SLC15A5: variants seen among roughly 807,000 people sequenced by gnomAD.
The protein encoded by SLC15A5 is Peptide/histidine transporter ENSP00000340402.
In SLC15A5, 58 loss-of-function variants were observed where a neutral mutation model predicts 56.1. The observed-to-expected ratio is 1.03, with a 90% CI of 0.84 to 1.29. The LOEUF (loss-of-function observed/expected upper bound fraction) is 1.29, where lower values mean the gene tolerates loss of function less well. Ranked by LOEUF, SLC15A5 falls within the 50% of genes most tolerant of loss-of-function variation. The probability of loss-of-function intolerance (pLI) is 0.00; values close to 1 mark genes in which losing one functional copy is unlikely to be tolerated. For synonymous variants in SLC15A5, 264 were observed against 250.5 expected (o/e 1.05, Z -0.51); for missense variants, 681 against 672.1 (o/e 1.01, Z -0.15).
At chr12:16,199,274 A>T (rs1394314832) in intron 7 of SLC15A5, among the ~76,000 whole-genome samples, 1 of 144,010 alleles carries the variant, frequency 6.9e-6, no homozygotes, top group Non-Finnish European at 1.5e-5. Context: ...TGACTAATAA[A>T]CTGCTGTCAG....
chr12:16,199,864 G>A (rs1671522), intron 7 of SLC15A5, among the ~76,000 whole-genome samples: 212 of 152,166 alleles, frequency 1.4e-3, no homozygotes, highest in African/African-American at 4.5e-3. Flanking sequence ...GTTCTGGGGG[G>A]TGCCAGATAG....
chr12:16,222,871 G>A (rs1438222123), intron 6 of SLC15A5, among the ~76,000 whole-genome samples: 2 of 152,168 alleles, frequency 1.3e-5, no homozygotes, highest in East Asian at 1.9e-4. Flanking sequence ...CACATTTTTG[G>A]GAATAACATC....
In SLC15A5 at chr12:16,271,127, C is replaced by A. The variant is rs954955950; in HGVS notation, c.584+1434G>T. On this transcript the variant is annotated intron_variant, in intron 2 of 8. Transcript: ENST00000344941. The surrounding 1 kb of genome is among the most constrained non-coding windows in gnomAD (Gnocchi z 8.0). Reference sequence around the variant, plus strand: ...AATTCATTTTCACCCCATTCCCCATCCCCCTTCCTGAAGCCCTAAAGCACA... The same window carrying A: ...AATTCATTTTCACCCCATTCCCCATACCCCTTCCTGAAGCCCTAAAGCACA... 6.6e-6 allele frequency among the ~76,000 whole-genome samples: 1 copy of A among 152,144 alleles called. No homozygotes were observed. The highest frequency in any genetic ancestry group is 2.4e-5 in the African/African-American group (1 of 41,444).
chr12:16,272,502 G>T (rs1864770186), intron 2 of SLC15A5, 59 bp downstream of exon 2: 1 of 1,472,218 alleles, frequency 6.8e-7, no homozygotes, highest in African/African-American at 1.4e-5. Flanking sequence ...AATGGAATCA[G>T]AAAGTAAACA....
intron 5 of SLC15A5, among the ~76,000 whole-genome samples, chr12:16,225,236 T>C (rs907715667): frequency 5.9e-5 from 9 of 152,236 alleles, no homozygotes; most frequent in Non-Finnish European, 1.3e-4. Context: ...CCTTTGGGTA[T>C]ATACCCAGTA....
rs919210861 is a variant in SLC15A5, at chr12:16,238,663, C to T, written c.1162+1018G>A. ...AAAAAAAAAATAAGAACAGGTTAAC[C>T]GAGAGAAGAGAATCTTCTATATGCC... On this transcript the variant is annotated intron_variant, in intron 5 of 8. Coordinates refer to ENST00000344941, the MANE Select transcript of SLC15A5 (RefSeq NM_001170798.1). 1.0e-4 allele frequency among the ~76,000 whole-genome samples: 15 copies of T among 150,346 alleles called. No individual in the cohort carries two copies. In the East Asian group the frequency reaches 1.2e-3, roughly 12 times the overall value.
intron 5 of SLC15A5, 41 bp from the exon 6 acceptor site, chr12:16,224,643 G>A: frequency 6.7e-7 from 1 of 1,496,274 alleles, no homozygotes. Context: ...GTTAAACGAA[G>A]AGCTAGAGAT....
rs1864758319 is a variant in SLC15A5 at position 16,271,611 on chromosome 12, G to A, written c.584+950C>T. Among the ~76,000 whole-genome samples the A allele has an allele frequency of 7.0e-6, 1 of 141,906 alleles. No homozygotes were observed. The highest frequency in any genetic ancestry group is 2.6e-5 in the African/African-American group (1 of 38,404). The allele number at this position is 141,906 out of a possible 152,430, so 93.1% of individuals were successfully genotyped here. On this transcript the variant is annotated intron_variant, in intron 2 of 8. Transcript: ENST00000344941. This position sits in a 1 kb window ranked among gnomAD's most constrained non-coding sequence, Gnocchi z 8.0. ...AGAAAAAGAAAGAAAGAGAAAAGAG[G>A]AACTGCCTCGGATAGCTACATATGC...
At chr12:16,229,653 C>CACAT (rs1350287721) in intron 5 of SLC15A5, among the ~76,000 whole-genome samples, 1 of 136,748 alleles carries the variant, frequency 7.3e-6, no homozygotes, top group Non-Finnish European at 1.6e-5. Context: ...CACATACACA[C>CACAT]ACACACACAC....
At chr12:16,221,988 G>C (rs1259246773) in intron 6 of SLC15A5, among the ~76,000 whole-genome samples, 2 of 152,090 alleles carry the variant, frequency 1.3e-5, no homozygotes, top group Non-Finnish European at 2.9e-5. Flanking sequence ...GCTGGGAACA[G>C]GACACCTGTG....
In SLC15A5 at chr12:16,202,180, A is replaced by G. The variant is rs911413055; in HGVS notation, c.1484-7727T>C. ...AAGAGATAACCCACAGATTGGGAAA[A>G]ATATTTGCAAATTATATATCAAGTA... On this transcript the variant is annotated intron_variant, in intron 7 of 8. Coordinates refer to ENST00000344941, the MANE Select transcript of SLC15A5 (RefSeq NM_001170798.1). Among the ~76,000 whole-genome samples the G allele has an allele frequency of 4.2e-4, 64 of 152,308 alleles. 1 individual carries two copies. The highest frequency in any genetic ancestry group is 1.4e-3 in the African/African-American group (58 of 41,576).
chr12:16,190,237 C>T (rs1462877641), intron 8 of SLC15A5, among the ~76,000 whole-genome samples: 2 of 152,150 alleles, frequency 1.3e-5, no homozygotes, highest in Non-Finnish European at 2.9e-5. Flanking sequence ...AGAATGTGCA[C>T]TCTCCATCCC....
rs1366301769 is a variant in SLC15A5 at position 16,220,182 on chromosome 12, A to G, written c.1352-3158T>C. Reference sequence around the variant, plus strand: ...ATCCTGTTGCCATTTTTAGACCATTATATCTCCCTTAACCCTAAAAAAGCT... The same window carrying G: ...ATCCTGTTGCCATTTTTAGACCATTGTATCTCCCTTAACCCTAAAAAAGCT... On this transcript the variant is annotated intron_variant, in intron 6 of 8. Coordinates refer to ENST00000344941, the MANE Select transcript of SLC15A5 (RefSeq NM_001170798.1). Among the ~76,000 whole-genome samples the G allele has an allele frequency of 2.0e-5, 3 of 152,196 alleles. No individual in the cohort carries two copies. The East Asian group carries it at 5.8e-4, about 29-fold the overall frequency.
At chr12:16,210,100 T>C (rs569186803) in intron 7 of SLC15A5, among the ~76,000 whole-genome samples, 10 of 152,348 alleles carry the variant, frequency 6.6e-5, no homozygotes, top group Admixed American at 3.9e-4. Context: ...GTTCCTCTTA[T>C]GCACCTATCA....
chr12:16,205,932 A>G (rs1864014490), intron 7 of SLC15A5, among the ~76,000 whole-genome samples: 1 of 152,122 alleles, frequency 6.6e-6, no homozygotes, highest in Non-Finnish European at 1.5e-5. Context: ...TTTCCCTCAG[A>G]CTTCACTAAA....
intron 7 of SLC15A5, among the ~76,000 whole-genome samples, chr12:16,207,849 C>T (rs557141763): frequency 3.0e-4 from 45 of 152,196 alleles, no homozygotes; most frequent in African/African-American, 1.1e-3. Flanking sequence ...AGACAGGTTT[C>T]ACCATGTTGG....
chr12:16,227,661 G>C (rs1030551056), intron 5 of SLC15A5, among the ~76,000 whole-genome samples: 1 of 152,190 alleles, frequency 6.6e-6, no homozygotes, highest in East Asian at 1.9e-4. Flanking sequence ...GTAGACGATA[G>C]ATTGGGGTCA....
chr12:16,209,732 T>G (rs1864060797), intron 7 of SLC15A5, among the ~76,000 whole-genome samples: 2 of 152,206 alleles, frequency 1.3e-5, no homozygotes, highest in Admixed American at 1.3e-4. Flanking sequence ...AAACCATTGC[T>G]AAGACATTGA....
In SLC15A5 at chr12:16,235,835, T is replaced by G. The variant is rs1864347657; in HGVS notation, c.1162+3846A>C. Among the ~76,000 whole-genome samples, 1 of 152,124 alleles carries G rather than the reference T, an allele frequency of 6.6e-6. No individual in the cohort carries two copies. The highest frequency in any genetic ancestry group is 2.4e-5 in the African/African-American group (1 of 41,436). On this transcript the variant is annotated intron_variant, in intron 5 of 8. Coordinates refer to ENST00000344941, the MANE Select transcript of SLC15A5 (RefSeq NM_001170798.1). This position sits in a 1 kb window ranked among gnomAD's most constrained non-coding sequence, Gnocchi z 4.1. ...GCTTTTAGCTTAGCAACCACTTTGGTTTCAACCACAAAAAGAACTTTATAC... is the reference window on the plus strand; with the variant it reads ...GCTTTTAGCTTAGCAACCACTTTGGGTTCAACCACAAAAAGAACTTTATAC...
Sources: allele counts gnomAD v4.1 joint callset (sites outside exome capture counted in the v4.1 genomes callset), GRCh38; gene constraint gnomAD v4.1.1; non-coding constraint Gnocchi (gnomAD v3.1); transcripts MANE v1.5; gene names NCBI Gene and HGNC (gene_info 2026-07-23, HGNC 2026-07-21).